The following CD38 variants were observed in gnomAD, a reference collection of about 807,000 sequenced individuals.
CD38 encodes CD38 molecule, also known as ADP-ribosyl cyclase/cyclic ADP-ribose hydrolase 1.
CD38 carries 31 observed loss-of-function variants against 36.3 expected under a neutral mutation model. That is an observed-to-expected ratio of 0.85 (90% CI 0.64 to 1.15). The LOEUF (loss-of-function observed/expected upper bound fraction) is 1.15, where lower values mean the gene tolerates loss of function less well. CD38 is among the 50% of genes most tolerant of loss of function. CD38 has a pLI of 0.00. For missense variants in CD38, 380 were observed against 371.9 expected (o/e 1.02, Z -0.18); for synonymous variants, 131 against 135.2 (o/e 0.97, Z 0.22).
intron 3 of CD38, among the ~76,000 whole-genome samples, chr4:15,829,149 AC>A: frequency 1.3e-5 from 2 of 152,018 alleles, no homozygotes; most frequent in South Asian, 4.2e-4. Context: ...TCCTTTGCCC[AC>A]CTTTAAATTG....
chr4:15,803,805 C>T (rs1465431070), intron 1 of CD38, among the ~76,000 whole-genome samples: 2 of 152,018 alleles, frequency 1.3e-5, no homozygotes, highest in African/African-American at 2.4e-5. Context: ...CTTCCTCCTT[C>T]CCTCCCTCCT....
At position 15,849,710 on chromosome 4, in the gene CD38, T is replaced by C. The variant is rs939956195; in HGVS notation, c.*1108T>C. 2 of 152,224 alleles carry C rather than the reference T, an allele frequency of 1.3e-5. No individual in the cohort carries two copies. The highest frequency in any genetic ancestry group is 2.4e-5 in the African/African-American group (1 of 41,458). The allele number at this position is 152,224 out of a possible 1,614,324, so 9.4% of individuals were successfully genotyped here. A position where few individuals can be genotyped will look rare whatever the true frequency, so the allele number is the denominator to read the frequency against. On this transcript the variant is annotated 3_prime_UTR_variant, in exon 8 of 8. Coordinates refer to ENST00000226279, the MANE Select transcript of CD38 (RefSeq NM_001775.4). Reference sequence around the variant, plus strand: ...CTTTAGCTTCATTGATTTTTTTCTATTTAATTGGGTTTTGCTCTTCTCTTT... The same window carrying C: ...CTTTAGCTTCATTGATTTTTTTCTACTTAATTGGGTTTTGCTCTTCTCTTT...
chr4:15,790,561 C>A (rs1046133945), intron 1 of CD38, among the ~76,000 whole-genome samples: 7 of 152,148 alleles, frequency 4.6e-5, no homozygotes, highest in African/African-American at 1.4e-4. Flanking sequence ...CTTGGCCCCC[C>A]AAAGTGCCGA....
intron 1 of CD38, among the ~76,000 whole-genome samples, chr4:15,813,958 A>G (rs1228731204): frequency 1.3e-5 from 2 of 152,234 alleles, no homozygotes; most frequent in African/African-American, 4.8e-5. Flanking sequence ...CTTTGGGTAT[A>G]TACCCAGTAA....
At chr4:15,818,361 G>A (rs866098547) in intron 2 of CD38, among the ~76,000 whole-genome samples, 1 of 152,288 alleles carries the variant, frequency 6.6e-6, no homozygotes, top group Non-Finnish European at 1.5e-5. Flanking sequence ...CAAAACCTCC[G>A]TCTCCCTGGG....
chr4:15,828,118 G>T (rs1033326231), intron 3 of CD38, among the ~76,000 whole-genome samples: 5 of 152,122 alleles, frequency 3.3e-5, no homozygotes, highest in African/African-American at 1.2e-4. Context: ...AGGCTCAGGT[G>T]GTCCTCCTAC....
intron 2 of CD38, among the ~76,000 whole-genome samples, chr4:15,818,062 G>A (rs764629250): frequency 4.6e-5 from 7 of 151,806 alleles, no homozygotes; most frequent in Admixed American, 6.6e-5. Context: ...CTCGCTCAGC[G>A]GGTCTCACTC....
chr4:15,785,056 A>T (rs1192924846), intron 1 of CD38, among the ~76,000 whole-genome samples: 1 of 29,988 alleles, frequency 3.3e-5, no homozygotes, highest in Non-Finnish European at 6.0e-5. Flanking sequence ...ACTCTGTCTT[A>T]AAAAAAAAAA....
intron 1 of CD38, among the ~76,000 whole-genome samples, chr4:15,812,201 T>C (rs183069667): frequency 2.6e-4 from 39 of 152,324 alleles, no homozygotes; most frequent in Admixed American, 4.6e-4. Context: ...TACTGTAGCA[T>C]TGTAGTAAGT....
intron 1 of CD38, among the ~76,000 whole-genome samples, chr4:15,788,329 C>G (rs192395946): frequency 2.0e-5 from 3 of 152,132 alleles, no homozygotes; most frequent in Non-Finnish European, 4.4e-5. Flanking sequence ...GGTGACATTT[C>G]CTTGTGATTC....
chr4:15,785,037 C>G (rs1214631470), intron 1 of CD38, among the ~76,000 whole-genome samples: 1 of 142,622 alleles, frequency 7.0e-6, no homozygotes, highest in Non-Finnish European at 1.5e-5. Flanking sequence ...GCCTGGGTGA[C>G]AGAGCAAGAC....
At chr4:15,809,210 T>C (rs562223740) in intron 1 of CD38, among the ~76,000 whole-genome samples, 1 of 152,208 alleles carries the variant, frequency 6.6e-6, no homozygotes, top group South Asian at 2.1e-4. Context: ...GTTGGCTAAC[T>C]GGCGGTAAGA....
At chr4:15,788,092 G>A (rs532395064) in intron 1 of CD38, among the ~76,000 whole-genome samples, 2 of 152,178 alleles carry the variant, frequency 1.3e-5, no homozygotes, top group South Asian at 2.1e-4. Context: ...TTTCCCTATC[G>A]GTTCTCCCAC....
chr4:15,785,825 C>A (rs1722807017), intron 1 of CD38, among the ~76,000 whole-genome samples: 1 of 152,166 alleles, frequency 6.6e-6, no homozygotes, highest in African/African-American at 2.4e-5. Context: ...AAGCTGTGGA[C>A]CCTCGTGGTG....
chr4:15,836,835 C>T (rs889609622), intron 4 of CD38, among the ~76,000 whole-genome samples: 2 of 152,166 alleles, frequency 1.3e-5, no homozygotes, highest in African/African-American at 4.8e-5. Context: ...CATAAGGAGA[C>T]CATGTTTAAA....
chr4:15,789,327 G>T (rs1722906057), intron 1 of CD38, among the ~76,000 whole-genome samples: 2 of 152,162 alleles, frequency 1.3e-5, no homozygotes, highest in Non-Finnish European at 2.9e-5. Flanking sequence ...ACATAGTATG[G>T]CAGATGGTGG....
At chr4:15,793,479 T>C (rs1184762264) in intron 1 of CD38, among the ~76,000 whole-genome samples, 1 of 152,162 alleles carries the variant, frequency 6.6e-6, no homozygotes, top group East Asian at 1.9e-4. Flanking sequence ...AATTGTTTTA[T>C]ATATACATAT....
chr4:15,824,940 C>T lies in CD38; in HGVS notation c.423C>T (p.Asp141=), dbSNP rs2148924550. The change falls in exon 3 of 8, where the codon GAC becomes GAT. Residue 141 remains aspartate (D), a synonymous_variant. Coordinates refer to ENST00000226279, the MANE Select transcript of CD38 (RefSeq NM_001775.4). ...ATCAGTTCACACAGGTCCAGCGGGA[C>T]ATGTTCACCCTGGAGGACACGCTGC... is the stretch of plus-strand genomic sequence containing the variant. ...LAHQFTQVQR[D]MFTLEDTLLG... 1 of 1,613,628 alleles carries T rather than the reference C, an allele frequency of 6.2e-7. No homozygotes were observed.
chr4:15,822,910 C>T (rs867398525), intron 2 of CD38, among the ~76,000 whole-genome samples: 8 of 152,236 alleles, frequency 5.3e-5, no homozygotes, highest in South Asian at 4.1e-4. Context: ...CTGGAGGCAT[C>T]GTGCTACCCA....
Sources: gnomAD v4.1 joint callset for allele counts (sites outside exome capture counted in the v4.1 genomes callset) on GRCh38, gnomAD v4.1.1 for gene constraint, MANE v1.5 for transcripts, NCBI Gene and HGNC (gene_info 2026-07-23, HGNC 2026-07-21) for gene names.